The following CCNJL variants were observed in gnomAD, a reference collection of about 807,000 sequenced individuals.
The protein encoded by CCNJL is cyclin-J-like protein.
In CCNJL, 33 loss-of-function variants were observed where a neutral mutation model predicts 33.4. The observed-to-expected ratio is 0.99, with a 90% CI of 0.75 to 1.32. The LOEUF is 1.32. Among genes scored for constraint, CCNJL ranks in the 40% most tolerant of loss-of-function variants. The pLI, the probability that CCNJL is intolerant of heterozygous loss-of-function variation, is 0.00. For synonymous variants in CCNJL, 227 were observed against 220.9 expected, an observed-to-expected ratio of 1.03 and a Z score of -0.24; for missense variants, 512 against 499.7, an observed-to-expected ratio of 1.02 and a Z score of -0.23.
At chr5:160,283,686 C>T (rs181629614) in intron 2 of CCNJL, among the ~76,000 whole-genome samples, 1 of 151,776 alleles carries the variant, frequency 6.6e-6, no homozygotes, top group East Asian at 1.9e-4. Flanking sequence ...TTATATTCAC[C>T]CCGTTGTGCA....
At chr5:160,277,744 G>T (rs974242900) in intron 3 of CCNJL, among the ~76,000 whole-genome samples, 24 of 125,230 alleles carry the variant, frequency 1.9e-4, no homozygotes, top group African/African-American at 2.8e-4. Flanking sequence ...CTGTCTATCT[G>T]TTTTTTTTTT....
chr5:160,311,354 C>T (rs1210730132), intron 2 of CCNJL, among the ~76,000 whole-genome samples: 1 of 152,074 alleles, frequency 6.6e-6, no homozygotes, highest in Non-Finnish European at 1.5e-5. Context: ...TTGGCCATAA[C>T]CATGTATTCC....
At chr5:160,278,972 A>G (rs1318986409) in intron 3 of CCNJL, among the ~76,000 whole-genome samples, 1 of 152,256 alleles carries the variant, frequency 6.6e-6, no homozygotes, top group Non-Finnish European at 1.5e-5. Flanking sequence ...AAGGGAATCC[A>G]GTTGGCCAAA....
chr5:160,334,254 T>C (rs1018010793), intron 1 of CCNJL, among the ~76,000 whole-genome samples: 3 of 152,186 alleles, frequency 2.0e-5, no homozygotes, highest in Admixed American at 6.5e-5. Context: ...TGGCTCACCA[T>C]TAAATCCTTT....
At chr5:160,313,788 G>T (rs938189285), upstream of CCNJL, among the ~76,000 whole-genome samples, 12 of 152,254 alleles carry the variant, frequency 7.9e-5, no homozygotes, top group African/African-American at 2.9e-4. Context: ...GTTGTGGGTA[G>T]ATTGGAGGAG....
chr5:160,330,472 C>T (rs371839340), intron 1 of CCNJL, among the ~76,000 whole-genome samples: 26 of 152,214 alleles, frequency 1.7e-4, no homozygotes, highest in African/African-American at 5.3e-4. Flanking sequence ...CTAAAGGTGT[C>T]GTGGGCTCCT....
At chr5:160,330,804 C>T (rs1020464721) in intron 1 of CCNJL, among the ~76,000 whole-genome samples, 2 of 152,126 alleles carry the variant, frequency 1.3e-5, no homozygotes, top group African/African-American at 4.8e-5. Flanking sequence ...GCTGGGATTA[C>T]AGGCATGCGC....
At chr5:160,335,801 C>T (rs1581025482) in intron 1 of CCNJL, among the ~76,000 whole-genome samples, 1 of 141,288 alleles carries the variant, frequency 7.1e-6, no homozygotes, top group African/African-American at 2.6e-5. Context: ...CCAAGCCATT[C>T]TCAAATTCCT....
chr5:160,289,551 G>A (rs1423852135), intron 2 of CCNJL, among the ~76,000 whole-genome samples: 1 of 151,990 alleles, frequency 6.6e-6, no homozygotes, highest in African/African-American at 2.4e-5. Context: ...GCCATTCTGG[G>A]GGAAGGAGAG....
intron 2 of CCNJL, among the ~76,000 whole-genome samples, chr5:160,302,898 G>C (rs893904758): frequency 1.3e-5 from 2 of 152,106 alleles, no homozygotes; most frequent in African/African-American, 2.4e-5. Context: ...CTACCTCTCT[G>C]TCAAAGCATA....
At chr5:160,295,717 G>A (rs1192784209) in intron 2 of CCNJL, among the ~76,000 whole-genome samples, 2 of 152,088 alleles carry the variant, frequency 1.3e-5, no homozygotes, top group South Asian at 2.1e-4. Flanking sequence ...GGAAGACCAC[G>A]GATAAAATGC....
At chr5:160,328,590 CT>C (rs1301948188) in intron 1 of CCNJL, among the ~76,000 whole-genome samples, 2 of 144,744 alleles carry the variant, frequency 1.4e-5, no homozygotes, top group Non-Finnish European at 3.0e-5. Flanking sequence ...GATACTGTCT[CT>C]TAAAAAAAAA....
intron 3 of CCNJL, among the ~76,000 whole-genome samples, chr5:160,278,423 C>G (rs564282144): frequency 6.6e-6 from 1 of 152,256 alleles, no homozygotes; most frequent in South Asian, 2.1e-4. Flanking sequence ...CTTCCCGAGG[C>G]AAGGGGATCC....
At chr5:160,320,772 TTTC>T (rs1271768708) in intron 1 of CCNJL, among the ~76,000 whole-genome samples, 1 of 149,134 alleles carries the variant, frequency 6.7e-6, no homozygotes, top group East Asian at 1.9e-4. Context: ...CTTTTCTTTC[TTTC>T]TTTTCTTTCT....
intron 3 of CCNJL, among the ~76,000 whole-genome samples, chr5:160,277,835 T>G (rs546524636): frequency 2.7e-4 from 41 of 151,128 alleles, no homozygotes; most frequent in Admixed American, 5.3e-4. Context: ...AACCTCCCTG[T>G]CCTGGGTTCA....
At position 160,311,842 on chromosome 5, in the gene CCNJL, G is replaced by A; in HGVS notation, c.66+16C>T. ...GTACCCAGTCTTGAGAGTGACAAGGGCAGGGAGGGACTGACCTTCTCGCGC... is the reference window on the plus strand; with the variant it reads ...GTACCCAGTCTTGAGAGTGACAAGGACAGGGAGGGACTGACCTTCTCGCGC... On this transcript the variant is annotated intron_variant, in intron 2 of 5. Coordinates refer to ENST00000257536, the MANE Select transcript of CCNJL (RefSeq NM_001308173.3). The A allele has an allele frequency of 6.2e-7, 1 of 1,609,740 alleles. No homozygotes were observed. Among genetic ancestry groups the A allele is most frequent in the Non-Finnish European group, 8.5e-7 (1 of 1,175,968 alleles).
chr5:160,253,100 C>T lies in CCNJL; in HGVS notation c.*278G>A, dbSNP rs1379310409. 5.7e-6 allele frequency: 2 copies of T among 351,274 alleles called. No individual in the cohort carries two copies. Among genetic ancestry groups the T allele is most frequent in the Non-Finnish European group, 5.1e-6 (1 of 194,904 alleles). The allele number at this position is 351,274 out of a possible 1,614,324, so 21.8% of individuals were successfully genotyped here. On this transcript the variant is annotated 3_prime_UTR_variant, in exon 6 of 6. Transcript: ENST00000257536. ...TCCTGGCCTCTTATCAAGTCTTTCT[C>T]GATTCACTGGGCCCCTGTGTGGGGG...
chr5:160,326,662 CG>C (rs1435249969), intron 1 of CCNJL: 13 of 760,308 alleles, frequency 1.7e-5, no homozygotes, highest in Non-Finnish European at 3.1e-5. Context: ...TTGAAATCAG[CG>C]GGTGGGTGTG....
chr5:160,280,099 T>C (rs1323225450), intron 3 of CCNJL, among the ~76,000 whole-genome samples: 1 of 152,092 alleles, frequency 6.6e-6, no homozygotes, highest in Non-Finnish European at 1.5e-5. Context: ...GTTGCTAGGG[T>C]TCCCCTCCCA....
Sources: allele counts gnomAD v4.1 joint callset (sites outside exome capture counted in the v4.1 genomes callset), GRCh38; gene constraint gnomAD v4.1.1; transcripts MANE v1.5; gene names NCBI Gene and HGNC (gene_info 2026-07-23, HGNC 2026-07-21).